The following TRAPPC9 variants were observed in gnomAD, a reference collection of about 807,000 sequenced individuals.
TRAPPC9 encodes trafficking protein particle complex subunit 9, also known as IKK2 binding protein.
A neutral mutation model predicts 124.0 loss-of-function variants in TRAPPC9; 83 were observed. The observed-to-expected ratio is 0.67, with a 90% CI of 0.56 to 0.80. TRAPPC9 has a LOEUF of 0.80. Ranked by LOEUF, TRAPPC9 falls within the 30% of genes least tolerant of loss-of-function variation. The pLI, the probability that TRAPPC9 is intolerant of heterozygous loss-of-function variation, is 0.00. For synonymous variants in TRAPPC9, 638 were observed against 617.5 expected (o/e 1.03, Z -0.49); for missense variants, 1,302 against 1,508.3 (o/e 0.86, Z 2.27).
chr8:139,845,014 C>T (rs147564724), intron 21 of TRAPPC9, among the ~76,000 whole-genome samples: 3 of 152,156 alleles, frequency 2.0e-5, no homozygotes, highest in Non-Finnish European at 2.9e-5. Context: ...CCTTCCCATC[C>T]GCCCCCTCTC....
intron 17 of TRAPPC9, among the ~76,000 whole-genome samples, chr8:140,067,799 C>G (rs1485465899): frequency 1.3e-5 from 2 of 152,024 alleles, no homozygotes; most frequent in African/African-American, 4.8e-5. Context: ...AGAGAAAAGG[C>G]AAGACTTGTG....
rs577693091 is a variant in TRAPPC9, at chr8:140,059,185, T to G, written c.2557-35106A>C. 1.3e-4 allele frequency among the ~76,000 whole-genome samples: 20 copies of G among 152,330 alleles called. No individual in the cohort carries two copies. In the South Asian group the frequency reaches 4.1e-3, roughly 32 times the overall value. On this transcript the variant is annotated intron_variant, in intron 17 of 22. Transcript: ENST00000438773. Reference sequence around the variant, plus strand: ...GAGATCTGCTTTCTCTCTAGATCTATCTATCTAGAATTCATATAAATGGAA... The same window carrying G: ...GAGATCTGCTTTCTCTCTAGATCTAGCTATCTAGAATTCATATAAATGGAA...
chr8:139,758,891 C>T (rs1019372954), intron 21 of TRAPPC9, among the ~76,000 whole-genome samples: 4 of 152,238 alleles, frequency 2.6e-5, no homozygotes, highest in African/African-American at 9.6e-5. Context: ...GTTGCCTCCC[C>T]ATCCTCCAGC....
chr8:139,881,812 G>A (rs918598804), intron 21 of TRAPPC9, among the ~76,000 whole-genome samples: 6 of 152,192 alleles, frequency 3.9e-5, no homozygotes, highest in Admixed American at 1.3e-4. Flanking sequence ...GGCCAATTCC[G>A]ACTCGCTGAA....
chr8:140,456,367 G>A (rs1459499604), intron 1 of TRAPPC9, among the ~76,000 whole-genome samples: 1 of 151,084 alleles, frequency 6.6e-6, no homozygotes, highest in Non-Finnish European at 1.5e-5. Flanking sequence ...AGCCAAGATC[G>A]TGCCATTGCA....
At chr8:140,086,242 G>A (rs894843691) in intron 17 of TRAPPC9, among the ~76,000 whole-genome samples, 3 of 152,194 alleles carry the variant, frequency 2.0e-5, no homozygotes, top group African/African-American at 4.8e-5. Context: ...GAGTATGGAG[G>A]ATGAAGAAGG....
At chr8:140,006,209 G>A (rs938988058) in intron 18 of TRAPPC9, among the ~76,000 whole-genome samples, 12 of 152,134 alleles carry the variant, frequency 7.9e-5, no homozygotes, top group Admixed American at 2.6e-4. Context: ...TTTGTGAAGG[G>A]TCTCTGAAGC....
chr8:139,804,332 GCAC>G (rs1406870702), intron 21 of TRAPPC9, among the ~76,000 whole-genome samples: 25 of 49,762 alleles, frequency 5.0e-4, no homozygotes, highest in Non-Finnish European at 8.0e-4. Flanking sequence ...CCGCCACCAA[GCAC>G]CACCACCACC....
rs1473387277 is a variant in TRAPPC9 at position 140,340,536 on chromosome 8, G to A, written c.1495+19514C>T. On this transcript the variant is annotated intron_variant, in intron 9 of 22. Transcript: ENST00000438773. ...CCCACTGTGGCAGGCACAATGCCAG[G>A]CAGCTGACACATTCTTTCTGATAAA... 2.6e-5 allele frequency among the ~76,000 whole-genome samples: 4 copies of A among 152,320 alleles called. No homozygotes were observed. In the East Asian group the frequency reaches 5.8e-4, roughly 22 times the overall value.
At chr8:140,336,747 A>G (rs1473134768) in intron 9 of TRAPPC9, among the ~76,000 whole-genome samples, 2 of 152,202 alleles carry the variant, frequency 1.3e-5, no homozygotes, top group African/African-American at 4.8e-5. Context: ...TGACAACTGT[A>G]TCTAAGTTGA....
At chr8:139,935,804 T>G (rs1833476256) in intron 19 of TRAPPC9, among the ~76,000 whole-genome samples, 3 of 152,148 alleles carry the variant, frequency 2.0e-5, no homozygotes, top group Admixed American at 2.0e-4. Context: ...TGTTTTACAA[T>G]TTAACACAAC....
intron 15 of TRAPPC9, among the ~76,000 whole-genome samples, chr8:140,260,655 A>C (rs928564050): frequency 1.3e-5 from 2 of 152,164 alleles, no homozygotes; most frequent in Admixed American, 1.3e-4. Flanking sequence ...AATAACTGAA[A>C]CAACCATCTA....
intron 7 of TRAPPC9, among the ~76,000 whole-genome samples, chr8:140,390,348 G>A (rs575460132): frequency 1.3e-5 from 2 of 152,180 alleles, no homozygotes; most frequent in South Asian, 2.1e-4. Flanking sequence ...CAACTCCCAC[G>A]AAATAAGTAT....
chr8:140,242,351 G>A (rs1265458858), intron 16 of TRAPPC9, among the ~76,000 whole-genome samples: 1 of 152,194 alleles, frequency 6.6e-6, no homozygotes, highest in Non-Finnish European at 1.5e-5. Flanking sequence ...AAGGCAAAGA[G>A]GGAGAGAAGA....
chr8:139,770,991 T>G (rs1820919532), intron 21 of TRAPPC9, among the ~76,000 whole-genome samples: 1 of 151,896 alleles, frequency 6.6e-6, no homozygotes, highest in African/African-American at 2.4e-5. Flanking sequence ...GAGAAGAGGG[T>G]TGGGTAGAGG....
intron 7 of TRAPPC9, among the ~76,000 whole-genome samples, chr8:140,376,741 T>C (rs904100299): frequency 1.3e-5 from 2 of 151,410 alleles, no homozygotes; most frequent in Non-Finnish European, 2.9e-5. Context: ...CCGGGCGTGA[T>C]GGTGGGTGCC....
In TRAPPC9 at chr8:140,153,241, T is replaced by G. The variant is rs144063765; in HGVS notation, c.2556+68218A>C. ...CCAAGCACAGGCCCCTCCTCATTTC[T>G]CACCAGTTTTGCTTTGCCCTTTGAC... is the stretch of plus-strand genomic sequence containing the variant. On this transcript the variant is annotated intron_variant, in intron 17 of 22. Coordinates refer to ENST00000438773, the MANE Select transcript of TRAPPC9 (RefSeq NM_001160372.4). Among the ~76,000 whole-genome samples, 586 of 152,310 alleles carry G rather than the reference T, an allele frequency of 3.8e-3. 3 individuals carry two copies. Among genetic ancestry groups the G allele is most frequent in the Non-Finnish European group, 6.3e-3 (431 of 68,028 alleles).
chr8:140,092,342 C>A (rs545978029), intron 17 of TRAPPC9, among the ~76,000 whole-genome samples: 1 of 151,736 alleles, frequency 6.6e-6, no homozygotes, highest in African/African-American at 2.4e-5. Flanking sequence ...AGATTACAGG[C>A]GCCCGATGCC....
intron 21 of TRAPPC9, among the ~76,000 whole-genome samples, chr8:139,811,646 G>T (rs1441360249): frequency 6.6e-6 from 1 of 152,208 alleles, no homozygotes; most frequent in Non-Finnish European, 1.5e-5. Context: ...GGTGGAGGGA[G>T]CTTGTTTTTT....
Sources: allele counts gnomAD v4.1 joint callset (sites outside exome capture counted in the v4.1 genomes callset), GRCh38; gene constraint gnomAD v4.1.1; transcripts MANE v1.5; gene names NCBI Gene and HGNC (gene_info 2026-07-23, HGNC 2026-07-21).